SEM1: variants seen among roughly 807,000 people sequenced by gnomAD.
SEM1 encodes the protein SEM1 26S proteasome subunit.
Under a neutral mutation model 12.7 loss-of-function variants are expected in SEM1, and 3 were observed. That is an observed-to-expected ratio of 0.24 (90% CI 0.11 to 0.61). The LOEUF is 0.61. Ranked by LOEUF, SEM1 falls within the 20% of genes least tolerant of loss-of-function variation. SEM1 has a pLI of 0.88. For missense variants in SEM1, 59 were observed against 81.3 expected, an observed-to-expected ratio of 0.73 and a Z score of 1.06; for synonymous variants, 30 against 27.8, an observed-to-expected ratio of 1.08 and a Z score of -0.25.
At chr7:96,622,463 A>G, downstream of SEM1, 1 of 568,156 alleles carries the variant, frequency 1.8e-6, no homozygotes, top group South Asian at 2.5e-5. Context: ...ATATCAGTGC[A>G]GTTTCTAAAT....
chr7:96,655,893 A>G (rs1165098013), intron 2 of SEM1, among the ~76,000 whole-genome samples: 2 of 152,238 alleles, frequency 1.3e-5, no homozygotes, highest in Admixed American at 1.3e-4. Context: ...TAGAGATACA[A>G]CTTTTATTAT....
At chr7:96,654,661 G>A (rs1584837788) in intron 2 of SEM1, among the ~76,000 whole-genome samples, 1 of 152,132 alleles carries the variant, frequency 6.6e-6, no homozygotes. Context: ...TTAAGGTAGG[G>A]TAGGCTAAGC....
intron 2 of SEM1, among the ~76,000 whole-genome samples, chr7:96,573,057 G>T (rs867683269): frequency 1.5e-4 from 22 of 149,016 alleles, no homozygotes; most frequent in Middle Eastern, 3.6e-3. Context: ...TGTCTTTTTT[G>T]ATCTTTGTTG....
chr7:96,618,099 T>C (rs903550976), downstream of SEM1, among the ~76,000 whole-genome samples: 4 of 152,176 alleles, frequency 2.6e-5, no homozygotes, highest in Non-Finnish European at 4.4e-5. Context: ...TCAGAAGGAT[T>C]GGTATTAGTT....
At chr7:96,573,767 C>T (rs1270408649) in intron 2 of SEM1, among the ~76,000 whole-genome samples, 1 of 152,008 alleles carries the variant, frequency 6.6e-6, no homozygotes, top group Admixed American at 6.6e-5. Flanking sequence ...TCTTGAGTAT[C>T]TTTGTGGTGT....
chr7:96,646,678 C>T (rs1808803780), intron 2 of SEM1, among the ~76,000 whole-genome samples: 1 of 152,160 alleles, frequency 6.6e-6, no homozygotes, highest in Non-Finnish European at 1.5e-5. Flanking sequence ...GACTGCCATC[C>T]TCTCCCCAGG....
At chr7:96,528,314 C>A (rs1772743714) in intron 2 of SEM1, among the ~76,000 whole-genome samples, 1 of 152,152 alleles carries the variant, frequency 6.6e-6, no homozygotes, top group Non-Finnish European at 1.5e-5. Context: ...CTACATCAGC[C>A]TCCCAAGTAT....
intron 2 of SEM1, among the ~76,000 whole-genome samples, chr7:96,548,266 C>T (rs1805162968): frequency 1.3e-5 from 2 of 152,240 alleles, no homozygotes; most frequent in South Asian, 4.2e-4. Context: ...CTCCAGGAGA[C>T]CTAGAGCAAT....
chr7:96,544,008 G>A (rs539325573), intron 2 of SEM1, among the ~76,000 whole-genome samples: 1 of 152,104 alleles, frequency 6.6e-6, no homozygotes, highest in South Asian at 2.1e-4. Flanking sequence ...TATATAGCCA[G>A]TCCTGAGTTT....
At chr7:96,601,121 G>C (rs2116189946) in intron 2 of SEM1, among the ~76,000 whole-genome samples, 1 of 152,110 alleles carries the variant, frequency 6.6e-6, no homozygotes, top group Non-Finnish European at 1.5e-5. Context: ...CACACACTTT[G>C]TATTTGTTTG....
chr7:96,585,772 A>G lies in SEM1; in HGVS notation c.171-79074T>C, dbSNP rs1806608881. On this transcript the variant is annotated intron_variant and NMD_transcript_variant, in intron 2 of 3. Transcript: ENST00000466986. Reference sequence around the variant, plus strand: ...CCCCTTTCTTTGACTAGGAAAGGGAACTCCCTGACCCCTTGCGCTTCCCGA... The same window carrying G: ...CCCCTTTCTTTGACTAGGAAAGGGAGCTCCCTGACCCCTTGCGCTTCCCGA... 2.0e-5 allele frequency among the ~76,000 whole-genome samples: 3 copies of G among 152,202 alleles called. No homozygotes were observed. The South Asian group carries it at 6.2e-4, about 32-fold the overall frequency.
intron 1 of SEM1, chr7:96,697,091 T>C (rs917467667): frequency 2.6e-5 from 4 of 151,928 alleles, no homozygotes; most frequent in Admixed American, 6.6e-5. Context: ...ACTAAATGCA[T>C]TGCCAGAATT....
intron 2 of SEM1, among the ~76,000 whole-genome samples, chr7:96,638,659 T>C (rs1808502032): frequency 6.6e-6 from 1 of 151,918 alleles, no homozygotes; most frequent in Non-Finnish European, 1.5e-5. Flanking sequence ...CATTATTATT[T>C]CCCCATAGTA....
chr7:96,562,439 T>C (rs1472004481), intron 2 of SEM1, among the ~76,000 whole-genome samples: 1 of 152,130 alleles, frequency 6.6e-6, no homozygotes, highest in East Asian at 1.9e-4. Context: ...GGAGTAAAAG[T>C]TTAGCAGGGA....
chr7:96,675,448 A>G (rs1789426678), intron 2 of SEM1, among the ~76,000 whole-genome samples: 1 of 152,130 alleles, frequency 6.6e-6, no homozygotes, highest in African/African-American at 2.4e-5. Context: ...CTATCTTTGG[A>G]GCAGTTTTGT....
intron 2 of SEM1, among the ~76,000 whole-genome samples, chr7:96,548,241 C>CGA (rs1386994119): frequency 1.3e-5 from 2 of 152,180 alleles, no homozygotes; most frequent in African/African-American, 4.8e-5. Context: ...CAAGTCTCTT[C>CGA]TGACATCCAG....
At chr7:96,636,167 G>C (rs1182860698) in intron 2 of SEM1, among the ~76,000 whole-genome samples, 1 of 151,952 alleles carries the variant, frequency 6.6e-6, no homozygotes, top group Non-Finnish European at 1.5e-5. Flanking sequence ...ATCTGGAAAG[G>C]TGTGCAATAT....
intron 3 of SEM1, chr7:96,506,592 C>A (rs1046919571): frequency 4.6e-5 from 7 of 151,926 alleles, no homozygotes; most frequent in African/African-American, 1.7e-4. Flanking sequence ...GGTTATGGAT[C>A]CCACTTATTA....
At chr7:96,538,229 A>G (rs138378595) in intron 2 of SEM1, among the ~76,000 whole-genome samples, 1 of 151,836 alleles carries the variant, frequency 6.6e-6, no homozygotes, top group African/African-American at 2.4e-5. Context: ...AGTCTTTAAC[A>G]TATTAAGCAT....
Sources: allele counts gnomAD v4.1 joint callset (sites outside exome capture counted in the v4.1 genomes callset), GRCh38; gene constraint gnomAD v4.1.1; transcripts MANE v1.5; gene names NCBI Gene and HGNC (gene_info 2026-07-23, HGNC 2026-07-21).